Variants in FXR1 observed in about 807,000 individuals in gnomAD.
FXR1 encodes the protein FMR1 autosomal homolog 1, also known as RNA-binding protein FXR1.
Under a neutral mutation model 84.0 loss-of-function variants are expected in FXR1, and 15 were observed. The ratio of observed to expected loss-of-function variants is 0.18; its 90% CI spans 0.12 to 0.27. FXR1 has a LOEUF of 0.27. Among genes scored for constraint, FXR1 ranks in the 10% least tolerant of loss-of-function variants. FXR1 has a pLI of 1.00. For missense variants in FXR1, 480 were observed against 774.4 expected, an observed-to-expected ratio of 0.62 and a Z score of 4.51; for synonymous variants, 245 against 250.7, an observed-to-expected ratio of 0.98 and a Z score of 0.21.
chr3:180,918,592 C>A (rs1424213964), intron 1 of FXR1, among the ~76,000 whole-genome samples: 8 of 152,216 alleles, frequency 5.3e-5, no homozygotes, highest in Admixed American at 6.5e-5. Context: ...GTGGGAAGAG[C>A]AATATGCATT....
At chr3:180,954,073 G>T in intron 9 of FXR1, 1 of 357,440 alleles carries the variant, frequency 2.8e-6, no homozygotes, top group Non-Finnish European at 5.0e-6. Flanking sequence ...CACTAATAAG[G>T]CCCAGGGTTT....
chr3:180,926,507 T>TATATATATATATA (rs397991792), intron 1 of FXR1, among the ~76,000 whole-genome samples: 6 of 79,192 alleles, frequency 7.6e-5, no homozygotes, highest in Non-Finnish European at 1.6e-4. Flanking sequence ...TATATATATA[T>TATATATATATATA]TTTTTTTTCT....
chr3:180,973,428 A>G (rs912168911), intron 15 of FXR1, among the ~76,000 whole-genome samples: 1 of 152,224 alleles, frequency 6.6e-6, no homozygotes, highest in African/African-American at 2.4e-5. Flanking sequence ...TTAATTTAGC[A>G]GCAGGCTTTC....
intron 1 of FXR1, among the ~76,000 whole-genome samples, chr3:180,922,800 A>C (rs1718738615): frequency 6.6e-6 from 1 of 151,970 alleles, no homozygotes; most frequent in East Asian, 1.9e-4. Flanking sequence ...TTTTCTGTAG[A>C]GATAGGTCTT....
rs929047135 is a variant in FXR1, at chr3:180,978,316, A to G, written c.*2024A>G. The G allele has an allele frequency of 1.3e-5, 2 of 152,102 alleles. No homozygotes were observed. Among genetic ancestry groups the G allele is most frequent in the African/African-American group, 2.4e-5 (1 of 41,428 alleles). The allele number at this position is 152,102 out of a possible 1,614,324, so 9.4% of individuals were successfully genotyped here. A position where few individuals can be genotyped will look rare whatever the true frequency, so the allele number is the denominator to read the frequency against. Reference sequence around the variant, plus strand: ...TAAAAGAGTGAGTATAGCTGAACCAATTCTTCATTCTAGCAATAACCACAC... The same window carrying G: ...TAAAAGAGTGAGTATAGCTGAACCAGTTCTTCATTCTAGCAATAACCACAC... On this transcript the variant is annotated 3_prime_UTR_variant, in exon 17 of 17. Transcript: ENST00000357559.
intron 3 of FXR1, among the ~76,000 whole-genome samples, chr3:180,944,351 C>T (rs6801213): frequency 0.068 from 10,295 of 150,652 alleles, 1,006 homozygotes; most frequent in African/African-American, 0.22. Context: ...GACAGGGTCT[C>T]GCTCTGTCAC....
intron 9 of FXR1, among the ~76,000 whole-genome samples, chr3:180,954,771 T>G (rs975310104): frequency 2.0e-5 from 3 of 152,092 alleles, no homozygotes; most frequent in African/African-American, 7.2e-5. Context: ...TAATGCGGCC[T>G]GTTCTGCCTT....
At chr3:180,928,806 T>C (rs915727829) in intron 1 of FXR1, among the ~76,000 whole-genome samples, 1 of 152,198 alleles carries the variant, frequency 6.6e-6, no homozygotes, top group African/African-American at 2.4e-5. Context: ...TTTTAAAAAA[T>C]TGTTTTATAC....
chr3:180,926,493 TATATATATATA>T, intron 1 of FXR1, among the ~76,000 whole-genome samples: 1 of 104,546 alleles, frequency 9.6e-6, no homozygotes, highest in South Asian at 2.7e-4. Flanking sequence ...TATATATATA[TATATATATATA>T]TATTTTTTTT....
chr3:180,929,739 G>C (rs1719659928), intron 1 of FXR1, among the ~76,000 whole-genome samples: 1 of 152,162 alleles, frequency 6.6e-6, no homozygotes, highest in Non-Finnish European at 1.5e-5. Context: ...CTGGTGGCTT[G>C]GGAATACAAA....
rs1289994089 is a variant in FXR1 at position 180,926,504 on chromosome 3, A to ATTTT, written c.52-6829_52-6828insTTTT. Reference sequence around the variant, plus strand: ...TATATATATATATATATATATATATATATTTTTTTTTCTGGCCTTTTGTTG... The same window carrying ATTTT: ...TATATATATATATATATATATATATATTTTTATTTTTTTTTCTGGCCTTTTGTTG... On this transcript the variant is annotated intron_variant, in intron 1 of 16. Coordinates refer to ENST00000357559, the MANE Select transcript of FXR1 (RefSeq NM_005087.4). Among the ~76,000 whole-genome samples, 235 of 95,252 alleles carry ATTTT rather than the reference A, an allele frequency of 2.5e-3. 2 individuals are homozygous for ATTTT. The highest frequency in any genetic ancestry group is 6.9e-3 in the African/African-American group (184 of 26,618). 62.5% of individuals were successfully genotyped at this position (95,252 alleles called of 152,430 possible). A position where few individuals can be genotyped will look rare whatever the true frequency, so the allele number is the denominator to read the frequency against.
At chr3:180,959,466 A>C (rs1711807403) in intron 10 of FXR1, among the ~76,000 whole-genome samples, 1 of 152,128 alleles carries the variant, frequency 6.6e-6, no homozygotes, top group African/African-American at 2.4e-5. Flanking sequence ...AACTAGATGA[A>C]ATTGGCTGGC....
chr3:180,927,328 T>G (rs1719349002), intron 1 of FXR1, among the ~76,000 whole-genome samples: 1 of 152,100 alleles, frequency 6.6e-6, no homozygotes, highest in African/African-American at 2.4e-5. Flanking sequence ...TCAACTTTCC[T>G]TCTTTAAAAT....
chr3:180,923,064 T>A (rs1051320155), intron 1 of FXR1, among the ~76,000 whole-genome samples: 4 of 152,274 alleles, frequency 2.6e-5, no homozygotes, highest in Admixed American at 6.5e-5. Flanking sequence ...TTTCTTAGGT[T>A]ACTTTGGAGT....
In FXR1 at chr3:180,970,260, G is replaced by A. The variant is rs545661459; in HGVS notation, c.1505G>A (p.Arg502His). Residue 502 changes from arginine (R) to histidine (H), a missense_variant, in exon 15 of 17, where the codon CGT (arginine) becomes CAT (histidine). By Grantham distance (29) the Arg-to-His change is conservative (BLOSUM62 0). Coordinates refer to ENST00000357559, the MANE Select transcript of FXR1 (RefSeq NM_005087.4). Reference protein sequence around the residue: ...DASESHHSTNRRRRSRRRRTD... With the variant: ...DASESHHSTNHRRRSRRRRTD... ...AGCGAATCTCATCACAGTACTAACC[G>A]TCGTAGGCGGTCTCGTAGACGAAGG... is the stretch of plus-strand genomic sequence containing the variant. The A allele has an allele frequency of 1.6e-5, 25 of 1,601,466 alleles. No individual in the cohort carries two copies. Among genetic ancestry groups the A allele is most frequent in the Non-Finnish European group, 2.0e-5 (23 of 1,168,956 alleles).
rs1360621307 is a variant in FXR1, at chr3:180,977,762, G to A, written c.*1470G>A. The A allele has an allele frequency of 6.6e-6, 1 of 152,082 alleles. No homozygotes were observed. Among genetic ancestry groups the A allele is most frequent in the Admixed American group, 6.6e-5 (1 of 15,258 alleles). The allele number at this position is 152,082 out of a possible 1,614,324, so 9.4% of individuals were successfully genotyped here. On this transcript the variant is annotated 3_prime_UTR_variant, in exon 17 of 17. Transcript: ENST00000357559. ...ATGAAAAGTGTTGTGTGCATAGTTTGTGTTAATTTTTTATGTGCATAAAAA... is the reference window on the plus strand; with the variant it reads ...ATGAAAAGTGTTGTGTGCATAGTTTATGTTAATTTTTTATGTGCATAAAAA...
At chr3:180,927,705 T>C (rs1430267736) in intron 1 of FXR1, 3 of 480,862 alleles carry the variant, frequency 6.2e-6, no homozygotes, top group Admixed American at 4.0e-5. Flanking sequence ...AGGTAGGATC[T>C]ACAAGACACA....
At chr3:180,961,370 TG>T in intron 10 of FXR1, 97 bp from the exon 11 acceptor site, 4 of 151,656 alleles carry the variant, frequency 2.6e-5, no homozygotes, top group Non-Finnish European at 3.7e-5. Flanking sequence ...AAAAAAAAGG[TG>T]TGTGTGTGTG....
intron 3 of FXR1, among the ~76,000 whole-genome samples, chr3:180,946,960 C>G (rs892002442): frequency 2.0e-5 from 3 of 152,184 alleles, no homozygotes; most frequent in South Asian, 4.1e-4. Context: ...AGAAATAACT[C>G]TAATCCCAAG....
Sources: gnomAD v4.1 joint callset for allele counts (sites outside exome capture counted in the v4.1 genomes callset) on GRCh38, gnomAD v4.1.1 for gene constraint, MANE v1.5 for transcripts, NCBI Gene and HGNC (gene_info 2026-07-23, HGNC 2026-07-21) for gene names.